The following ABTB2 variants were observed in gnomAD, a reference collection of about 807,000 sequenced individuals.
ABTB2 encodes the protein ankyrin repeat and BTB/POZ domain-containing protein 2.
In ABTB2, 56 loss-of-function variants were observed where a neutral mutation model predicts 104.1. That is an observed-to-expected ratio of 0.54 (90% CI 0.43 to 0.67). ABTB2 has a LOEUF of 0.67. ABTB2 is among the 30% of genes least tolerant of loss of function. ABTB2 has a pLI of 0.00. For synonymous variants in ABTB2, 606 were observed against 608.2 expected, an observed-to-expected ratio of 1.00 and a Z score of 0.05; for missense variants, 1,279 against 1,407.7, an observed-to-expected ratio of 0.91 and a Z score of 1.46.
intron 1 of ABTB2, among the ~76,000 whole-genome samples, chr11:34,336,497 T>C (rs544318921): frequency 6.6e-6 from 1 of 152,082 alleles, no homozygotes; most frequent in South Asian, 2.1e-4. Context: ...TAAAAAATTA[T>C]CTGGGTGTGG....
intron 1 of ABTB2, among the ~76,000 whole-genome samples, chr11:34,290,472 A>G (rs5008984): frequency 0.081 from 12,349 of 152,276 alleles, 636 homozygotes; most frequent in South Asian, 0.25. Context: ...AAGATAGCAG[A>G]TTGTTTAAGA....
chr11:34,316,447 G>C (rs1029116008), intron 1 of ABTB2, among the ~76,000 whole-genome samples: 1 of 152,184 alleles, frequency 6.6e-6, no homozygotes. Flanking sequence ...CAGTGGATGG[G>C]CTGAGCCTTC....
chr11:34,218,676 C>T (rs1430794081), intron 1 of ABTB2, among the ~76,000 whole-genome samples: 1 of 151,660 alleles, frequency 6.6e-6, no homozygotes, highest in African/African-American at 2.4e-5. Flanking sequence ...ATGGAGAAAC[C>T]CCATCTCTAC....
intron 1 of ABTB2, among the ~76,000 whole-genome samples, chr11:34,210,216 C>T (rs994364730): frequency 2.6e-5 from 4 of 152,114 alleles, no homozygotes; most frequent in Admixed American, 1.3e-4. Context: ...CTGTAAACCA[C>T]GGGGGTGGAA....
Position 34,154,186 on chromosome 11 carries a change from C to A in ABTB2, c.2880+79G>T. The A allele has an allele frequency of 9.0e-7, 1 of 1,117,072 alleles. No individual in the cohort carries two copies. 69.2% of individuals were successfully genotyped at this position (1,117,072 alleles called of 1,614,324 possible). On this transcript the variant is annotated intron_variant, in intron 16 of 16. Coordinates refer to ENST00000435224, the MANE Select transcript of ABTB2 (RefSeq NM_145804.3). The surrounding 1 kb of genome is among the most constrained non-coding windows in gnomAD (Gnocchi z 4.9). ...TCACCTGCATCTCCTAGCTCATCCC[C>A]AGTGCAGCCACACGGCCGAGGCCCC...
intron 1 of ABTB2, among the ~76,000 whole-genome samples, chr11:34,234,609 G>C (rs1010140314): frequency 6.6e-6 from 1 of 152,156 alleles, no homozygotes; most frequent in Non-Finnish European, 1.5e-5. Context: ...CTCTGGCTCC[G>C]CCTCTCACAA....
At position 34,152,290 on chromosome 11, in the gene ABTB2, C is replaced by A. The variant is rs2473930; in HGVS notation, c.*97G>T. The stretch of plus-strand genomic sequence containing the variant: ...CTGGGGGAGGAGGAGGAAACAGCCC[C>A]GTGAACCTGGCTCCAAGAGGGCCTA... On this transcript the variant is annotated 3_prime_UTR_variant, in exon 17 of 17. Coordinates refer to ENST00000435224, the MANE Select transcript of ABTB2 (RefSeq NM_145804.3). 7.3e-7 allele frequency: 1 copy of A among 1,364,256 alleles called. No homozygotes were observed. Among genetic ancestry groups the A allele is most frequent in the Admixed American group, 2.2e-5 (1 of 44,802 alleles). The allele number at this position is 1,364,256 out of a possible 1,614,324, so 84.5% of individuals were successfully genotyped here.
intron 1 of ABTB2, among the ~76,000 whole-genome samples, chr11:34,218,848 A>G (rs1198113648): frequency 1.0e-4 from 1 of 9,634 alleles, no homozygotes; most frequent in African/African-American, 4.2e-4. Context: ...CTCCATCTCA[A>G]AAAAAAAAAA....
At chr11:34,177,779 G>A (rs1403333620) in intron 3 of ABTB2, among the ~76,000 whole-genome samples, 1 of 152,062 alleles carries the variant, frequency 6.6e-6, no homozygotes, top group Non-Finnish European at 1.5e-5. Context: ...ATGTTGCCCA[G>A]GCTGGTCTCG....
At chr11:34,283,870 A>G (rs184414005) in intron 1 of ABTB2, among the ~76,000 whole-genome samples, 15 of 152,324 alleles carry the variant, frequency 9.8e-5, no homozygotes, top group Admixed American at 3.3e-4. Flanking sequence ...TCCTAATAAG[A>G]TCCTTTCTAA....
rs962402738 is a variant in ABTB2 at position 34,223,112 on chromosome 11, G to A, written c.884-18422C>T. ...AGGCTCATTAAAAAGCCAGCTCCCT[G>A]TGGGGCTATAAACGTCACATGGACA... is the stretch of plus-strand genomic sequence containing the variant. On this transcript the variant is annotated intron_variant, in intron 1 of 16. Coordinates refer to ENST00000435224, the MANE Select transcript of ABTB2 (RefSeq NM_145804.3). 3.9e-5 allele frequency among the ~76,000 whole-genome samples: 6 copies of A among 152,316 alleles called. No individual in the cohort carries two copies. The South Asian group carries it at 1.2e-3, about 32-fold the overall frequency.
chr11:34,155,992 G>A (rs1012621076), intron 14 of ABTB2, among the ~76,000 whole-genome samples: 3 of 152,222 alleles, frequency 2.0e-5, no homozygotes, highest in Non-Finnish European at 4.4e-5. Flanking sequence ...ATACAGGGTT[G>A]GGGTTAGAGC....
intron 1 of ABTB2, among the ~76,000 whole-genome samples, chr11:34,297,796 G>GAAA (rs1554923796): frequency 6.5e-5 from 8 of 123,064 alleles, no homozygotes; most frequent in Middle Eastern, 4.5e-3. Context: ...AAAAATAAAG[G>GAAA]AAAGAAAAAG....
chr11:34,323,501 C>A (rs1182194976), intron 1 of ABTB2, among the ~76,000 whole-genome samples: 1 of 152,174 alleles, frequency 6.6e-6, no homozygotes, highest in Admixed American at 6.5e-5. Context: ...CTCCTTGAGT[C>A]TTTCACATTT....
chr11:34,160,840 CTG>C, intron 11 of ABTB2, 61 bp downstream of exon 11: 5 of 1,519,522 alleles, frequency 3.3e-6, no homozygotes, highest in Non-Finnish European at 3.6e-6. Flanking sequence ...GTGTGTCCAT[CTG>C]TGTGTCCCGT....
At chr11:34,313,997 G>T (rs1854892378) in intron 1 of ABTB2, among the ~76,000 whole-genome samples, 1 of 152,174 alleles carries the variant, frequency 6.6e-6, no homozygotes, top group Non-Finnish European at 1.5e-5. Flanking sequence ...TAGGGTGTGG[G>T]TGCTGCCTGT....
At chr11:34,337,107 A>C (rs115643004) in intron 1 of ABTB2, among the ~76,000 whole-genome samples, 11 of 152,236 alleles carry the variant, frequency 7.2e-5, no homozygotes, top group African/African-American at 2.7e-4. Context: ...CAACCACCTG[A>C]GTGCAAGTGA....
At chr11:34,239,406 G>A (rs904318618) in intron 1 of ABTB2, among the ~76,000 whole-genome samples, 6 of 151,880 alleles carry the variant, frequency 4.0e-5, no homozygotes, top group Middle Eastern at 3.4e-3. Flanking sequence ...TTATGATCAC[G>A]GTTTACCTCA....
chr11:34,219,764 C>CTA (rs1345418194), intron 1 of ABTB2, among the ~76,000 whole-genome samples: 1 of 152,160 alleles, frequency 6.6e-6, no homozygotes, highest in African/African-American at 2.4e-5. Context: ...GGAAGCTATA[C>CTA]CATCTAGGTT....
Sources: allele counts gnomAD v4.1 joint callset (sites outside exome capture counted in the v4.1 genomes callset), GRCh38; gene constraint gnomAD v4.1.1; non-coding constraint Gnocchi (gnomAD v3.1); transcripts MANE v1.5; gene names NCBI Gene and HGNC (gene_info 2026-07-23, HGNC 2026-07-21).